TRMT11: variants seen among roughly 807,000 people sequenced by gnomAD.
TRMT11 encodes tRNA methyltransferase 11.
In TRMT11, 53 loss-of-function variants were observed where a neutral mutation model predicts 62.8. The ratio of observed to expected loss-of-function variants is 0.84; its 90% CI spans 0.68 to 1.06. The LOEUF (loss-of-function observed/expected upper bound fraction) is 1.06. TRMT11 is among the 50% of genes least tolerant of loss of function. The pLI is 0.00. For synonymous variants in TRMT11, 188 were observed against 190.3 expected (o/e 0.99, Z 0.10); for missense variants, 556 against 553.4 (o/e 1.00, Z -0.05).
intron 1 of TRMT11, among the ~76,000 whole-genome samples, chr6:126,190,110 C>G (rs570613830): frequency 6.6e-6 from 1 of 152,054 alleles, no homozygotes; most frequent in African/African-American, 2.4e-5. Flanking sequence ...AGATTATTAA[C>G]TATAATTTTC....
At chr6:126,174,570 A>T (rs183039510), upstream of TRMT11, among the ~76,000 whole-genome samples, 2 of 152,368 alleles carry the variant, frequency 1.3e-5, no homozygotes, top group East Asian at 1.9e-4. Flanking sequence ...CACAAAAAAC[A>T]AACAGAGGTG....
chr6:126,093,084 A>G (rs1424199588), intron 17 of TRMT11, among the ~76,000 whole-genome samples: 2 of 152,208 alleles, frequency 1.3e-5, no homozygotes, highest in East Asian at 1.9e-4. Flanking sequence ...CATTACTTAC[A>G]TAATGGAGAT....
At chr6:126,076,786 A>G (rs1228202162) in intron 17 of TRMT11, among the ~76,000 whole-genome samples, 1 of 152,188 alleles carries the variant, frequency 6.6e-6, no homozygotes, top group Non-Finnish European at 1.5e-5. Flanking sequence ...ACCATTGAAG[A>G]GTTTTTTTAA....
intron 21 of TRMT11, among the ~76,000 whole-genome samples, chr6:126,143,032 A>T (rs1457255677): frequency 6.6e-6 from 1 of 152,142 alleles, no homozygotes; most frequent in Non-Finnish European, 1.5e-5. Flanking sequence ...TCAGGCACTA[A>T]TGTTGTATAC....
At chr6:126,021,580 T>C (rs1362046528) in intron 12 of TRMT11, among the ~76,000 whole-genome samples, 1 of 152,216 alleles carries the variant, frequency 6.6e-6, no homozygotes, top group East Asian at 1.9e-4. Context: ...ATTAAACAAC[T>C]GCTATCTAAT....
the TRMT11 span, among the ~76,000 whole-genome samples, chr6:126,223,681 T>A: frequency 6.6e-6 from 1 of 152,222 alleles, no homozygotes; most frequent in African/African-American, 2.4e-5. Flanking sequence ...GTTCTCTGAA[T>A]TTCCTGAATT....
chr6:126,147,197 T>C (rs1777983853), intron 21 of TRMT11, among the ~76,000 whole-genome samples: 1 of 152,202 alleles, frequency 6.6e-6, no homozygotes. Context: ...TGAGTAAGCA[T>C]ATAACAAAAG....
At chr6:126,113,251 G>T (rs1777551882) in intron 18 of TRMT11, among the ~76,000 whole-genome samples, 1 of 152,074 alleles carries the variant, frequency 6.6e-6, no homozygotes. Context: ...TGTCCAGGCA[G>T]TCTGATTTAT....
At chr6:126,169,623 G>GA (rs1235708258) in intron 21 of TRMT11, among the ~76,000 whole-genome samples, 3 of 152,114 alleles carry the variant, frequency 2.0e-5, no homozygotes, top group African/African-American at 7.2e-5. Context: ...TGGTCACCTG[G>GA]CTGGTGAAGA....
intron 21 of TRMT11, among the ~76,000 whole-genome samples, chr6:126,166,716 C>A (rs1778271040): frequency 6.6e-6 from 1 of 152,204 alleles, no homozygotes; most frequent in Admixed American, 6.5e-5. Context: ...CCCAGAGCTG[C>A]CCCTTCCCCC....
intron 12 of TRMT11, among the ~76,000 whole-genome samples, chr6:126,023,273 T>C (rs972983863): frequency 1.3e-5 from 2 of 152,218 alleles, no homozygotes; most frequent in Non-Finnish European, 2.9e-5. Context: ...TAACATTTAT[T>C]TGGGTGTACA....
chr6:126,013,029 T>C lies in TRMT11; in HGVS notation c.1067T>C (p.Leu356Pro), dbSNP rs765063399. The C allele has an allele frequency of 6.2e-7, 1 of 1,613,944 alleles. No individual in the cohort carries two copies. The highest frequency in any genetic ancestry group is 8.5e-7 in the Non-Finnish European group (1 of 1,179,908). The change falls in exon 11 of 13, where the codon CTG becomes CCG. Residue 356 changes from leucine (L) to proline (P), a missense_variant. Transcript: ENST00000334379. ...CATCTGAGTGATATGTTTCTTGACC[T>C]GTTAAACTTCGCAGCTGAGACCCTC... ...SYHLSDMFLD[L>P]LNFAAETLVL...
chr6:126,237,226 T>G, the TRMT11 span, among the ~76,000 whole-genome samples: 1 of 152,196 alleles, frequency 6.6e-6, no homozygotes, highest in African/African-American at 2.4e-5. Flanking sequence ...TAGATCCTTG[T>G]ATCTCCCTTA....
chr6:126,072,720 G>T (rs559624708), intron 17 of TRMT11, among the ~76,000 whole-genome samples: 13 of 152,128 alleles, frequency 8.5e-5, no homozygotes, highest in African/African-American at 3.1e-4. Flanking sequence ...AGCAGATCTG[G>T]TTTATGGTGA....
chr6:126,192,935 A>C (rs1778620024), intron 1 of TRMT11, among the ~76,000 whole-genome samples: 1 of 152,182 alleles, frequency 6.6e-6, no homozygotes, highest in Admixed American at 6.5e-5. Flanking sequence ...AGCATAATGC[A>C]TGCCTTGTAG....
intron 1 of TRMT11, among the ~76,000 whole-genome samples, chr6:126,197,677 C>G (rs1423721879): frequency 6.6e-6 from 1 of 152,052 alleles, no homozygotes; most frequent in Admixed American, 6.6e-5. Flanking sequence ...CCTTTCCTTC[C>G]ACATAAATCA....
At chr6:126,251,868 G>T in the TRMT11 span, among the ~76,000 whole-genome samples, 2 of 152,120 alleles carry the variant, frequency 1.3e-5, no homozygotes, top group African/African-American at 4.8e-5. Context: ...TTAGTATCTT[G>T]CCCAGTGCCT....
At chr6:126,093,585 G>A (rs865862195) in intron 17 of TRMT11, among the ~76,000 whole-genome samples, 472 of 46,508 alleles carry the variant, frequency 0.01, 4 homozygotes, top group African/African-American at 0.019. Flanking sequence ...GGATATGTAT[G>A]TATATATATA....
intron 21 of TRMT11, among the ~76,000 whole-genome samples, chr6:126,165,686 C>T (rs577145179): frequency 1.3e-5 from 2 of 152,306 alleles, no homozygotes; most frequent in African/African-American, 4.8e-5. Flanking sequence ...TGTGGGTAAC[C>T]CAACCTTTCT....
Sources: allele counts gnomAD v4.1 joint callset (sites outside exome capture counted in the v4.1 genomes callset), GRCh38; gene constraint gnomAD v4.1.1; transcripts MANE v1.5; gene names NCBI Gene and HGNC (gene_info 2026-07-23, HGNC 2026-07-21).